SFXN4: variants seen among roughly 807,000 people sequenced by gnomAD.
SFXN4 encodes sideroflexin 4.
A neutral mutation model predicts 54.6 loss-of-function variants in SFXN4; 48 were observed. That is an observed-to-expected ratio of 0.88 (90% CI 0.70 to 1.12). The LOEUF is 1.12. SFXN4 is among the 50% of genes most tolerant of loss of function. The pLI, the probability that SFXN4 is intolerant of heterozygous loss-of-function variation, is 0.00. For missense variants in SFXN4, 383 were observed against 409.2 expected, an observed-to-expected ratio of 0.94 and a Z score of 0.55; for synonymous variants, 130 against 145.5, an observed-to-expected ratio of 0.89 and a Z score of 0.77.
intron 6 of SFXN4, 115 bp from the exon 7 acceptor site, chr10:119,158,177 G>C (rs1449425992): frequency 8.2e-6 from 8 of 978,114 alleles, no homozygotes; most frequent in Non-Finnish European, 1.3e-5. Context: ...GCTGGGGCAG[G>C]AGAGGATGGT....
chr10:119,149,507 T>C lies in SFXN4; in HGVS notation c.733-1647A>G, dbSNP rs574742957. On this transcript the variant is annotated intron_variant, in intron 11 of 13. Coordinates refer to ENST00000355697, the MANE Select transcript of SFXN4 (RefSeq NM_213649.2). ...GCTCATGCTTATAATCCCAACACTT[T>C]GGGAGGCCAAGGTGGGCAGATCACC... 7.2e-5 allele frequency among the ~76,000 whole-genome samples: 11 copies of C among 152,214 alleles called. No individual in the cohort carries two copies. The South Asian group carries it at 1.5e-3, about 20-fold the overall frequency.
intron 13 of SFXN4, among the ~76,000 whole-genome samples, chr10:119,143,951 A>G (rs1389018471): frequency 1.3e-5 from 2 of 151,960 alleles, no homozygotes; most frequent in Non-Finnish European, 2.9e-5. Context: ...TCGCTCCCCA[A>G]CCCCTCGCCC....
At position 119,159,881 on chromosome 10, in the gene SFXN4, T is replaced by C. The variant is rs1303114914; in HGVS notation, c.335-128A>G. The C allele has an allele frequency of 3.2e-6, 3 of 945,110 alleles. No homozygotes were observed. In the African/African-American group the frequency reaches 4.9e-5, roughly 15 times the overall value. The allele number at this position is 945,110 out of a possible 1,614,324, so 58.5% of individuals were successfully genotyped here. A position where few individuals can be genotyped will look rare whatever the true frequency, so the allele number is the denominator to read the frequency against. ...AAGGCACAGACCTCAAAGGACTTTT[T>C]CCACTCATTCTTTGTTTTTCTAATA... On this transcript the variant is annotated intron_variant, in intron 5 of 13. Transcript: ENST00000355697.
chr10:119,163,363 A>C (rs1847633205), intron 2 of SFXN4, among the ~76,000 whole-genome samples: 1 of 151,944 alleles, frequency 6.6e-6, no homozygotes, highest in African/African-American at 2.4e-5. Context: ...CCTGGGCCTG[A>C]TATTACCTGT....
At chr10:119,161,247 T>G (rs1395798642) in intron 3 of SFXN4, among the ~76,000 whole-genome samples, 166 bp from the exon 4 acceptor site, 7 of 152,062 alleles carry the variant, frequency 4.6e-5, no homozygotes, top group Non-Finnish European at 1.0e-4. Context: ...CCCTCCTGAA[T>G]AGCTGAAACT....
intron 11 of SFXN4, among the ~76,000 whole-genome samples, chr10:119,150,892 A>C (rs1483067931): frequency 6.6e-6 from 1 of 152,174 alleles, no homozygotes; most frequent in African/African-American, 2.4e-5. Context: ...CCGCCGGCAG[A>C]ATAGATAAGC....
intron 2 of SFXN4, 91 bp downstream of exon 2, chr10:119,164,040 C>CAAAAAA (rs368539311): frequency 6.8e-5 from 21 of 309,770 alleles, no homozygotes; most frequent in Non-Finnish European, 8.6e-5. Flanking sequence ...AACTCCGTCT[C>CAAAAAA]AAAAAAAAAA....
intron 1 of SFXN4, among the ~76,000 whole-genome samples, chr10:119,164,474 G>C (rs1847687245): frequency 6.6e-6 from 1 of 152,120 alleles, no homozygotes; most frequent in African/African-American, 2.4e-5. Context: ...TTGCCCTTGA[G>C]GGTTAAAATC....
intron 11 of SFXN4, among the ~76,000 whole-genome samples, chr10:119,148,228 G>A (rs931561683): frequency 4.6e-5 from 7 of 152,022 alleles, no homozygotes; most frequent in Admixed American, 1.3e-4. Context: ...CAACTCCTGC[G>A]AGAGACAGGC....
At chr10:119,141,507 C>CTTTT (rs1234472904) in intron 13 of SFXN4, among the ~76,000 whole-genome samples, 188 bp from the exon 14 acceptor site, 29 of 113,352 alleles carry the variant, frequency 2.6e-4, no homozygotes, top group African/African-American at 5.4e-4. Context: ...ACTTCTTAAA[C>CTTTT]TTTTTTTTTT....
chr10:119,143,678 T>C (rs1846656068), intron 13 of SFXN4, among the ~76,000 whole-genome samples: 1 of 151,894 alleles, frequency 6.6e-6, no homozygotes. Flanking sequence ...GGTCTTGCTA[T>C]GTTGTCCTGG....
intron 11 of SFXN4, 107 bp from the exon 12 acceptor site, chr10:119,147,967 T>G (rs1564816164): frequency 3.8e-6 from 3 of 785,988 alleles, no homozygotes; most frequent in Non-Finnish European, 6.4e-6. Context: ...GGTCAGTAGT[T>G]TGAGACCAGC....
At chr10:119,159,098 G>C (rs1847405417) in intron 6 of SFXN4, among the ~76,000 whole-genome samples, 1 of 152,016 alleles carries the variant, frequency 6.6e-6, no homozygotes, top group African/African-American at 2.4e-5. Context: ...TAGCCAACAT[G>C]GCAAAACCCC....
Position 119,161,057 on chromosome 10 carries a change from G to C in SFXN4, c.277C>G (p.Leu93Val). 6.2e-7 allele frequency: 1 copy of C among 1,614,022 alleles called. No homozygotes were observed. The highest frequency in any genetic ancestry group is 8.5e-7 in the Non-Finnish European group (1 of 1,179,944). ...ATTAGGAAGGGGCTGAAACTTACAA[G>C]ACTCCGCTTCCAAGCTTCTTGTATC... ...QRIQEAWKRS[L>V]ATVHPDSSNL... The change falls in exon 4 of 14, where the codon CTT becomes GTT. Residue 93 changes from leucine (L) to valine (V), a missense_variant and splice_region_variant. Coordinates refer to ENST00000355697, the MANE Select transcript of SFXN4 (RefSeq NM_213649.2).
intron 3 of SFXN4, among the ~76,000 whole-genome samples, chr10:119,161,570 C>T (rs1847547912): frequency 6.6e-6 from 1 of 151,678 alleles, no homozygotes; most frequent in African/African-American, 2.4e-5. Flanking sequence ...ATTGACAGAA[C>T]AAATCAAAAT....
At chr10:119,159,097 T>G (rs185237927) in intron 6 of SFXN4, among the ~76,000 whole-genome samples, 157 of 152,182 alleles carry the variant, frequency 1.0e-3, no homozygotes, top group African/African-American at 3.5e-3. Context: ...CTAGCCAACA[T>G]GGCAAAACCC....
At position 119,162,242 on chromosome 10, in the gene SFXN4, C is replaced by T. The variant is rs185210611; in HGVS notation, c.252+98G>A. On this transcript the variant is annotated intron_variant, in intron 3 of 13. Coordinates refer to ENST00000355697, the MANE Select transcript of SFXN4 (RefSeq NM_213649.2). ...GGAAGGAAAAAAGAAAGAAAAGAGA[C>T]GGAGACAGAGATTAATGGCCAAATT... is the stretch of plus-strand genomic sequence containing the variant. The T allele has an allele frequency of 1.3e-4, 113 of 898,028 alleles. 3 individuals carry two copies. The highest frequency in any genetic ancestry group is 7.4e-4 in the African/African-American group (44 of 59,444). 55.6% of individuals were successfully genotyped at this position (898,028 alleles called of 1,614,324 possible).
rs1258722073 is a variant in SFXN4 at position 119,160,936 on chromosome 10, G to A, written c.313C>T (p.Pro105Ser). 6.2e-7 allele frequency: 1 copy of A among 1,614,074 alleles called. No homozygotes were observed. Among genetic ancestry groups the A allele is most frequent in the Non-Finnish European group, 8.5e-7 (1 of 1,180,004 alleles). Residue 105 changes from proline (P) to serine (S), a missense_variant, in exon 5 of 14, where the codon CCC becomes TCC. Transcript: ENST00000355697. ...TCACCTGCAGGTCGAAAAAGCTTGG[G>A]GATCAGGTTGCTGCTGTCGGGATGC... The part of the protein sequence containing the change: ...TVHPDSSNLI[P>S]KLFRPAAFLP...
intron 12 of SFXN4, among the ~76,000 whole-genome samples, chr10:119,146,618 G>C (rs1403071094): frequency 6.6e-6 from 1 of 152,114 alleles, no homozygotes; most frequent in East Asian, 1.9e-4. Flanking sequence ...GCCCAGGCTG[G>C]AGTGTAATGG....
Sources: gnomAD v4.1 joint callset for allele counts (sites outside exome capture counted in the v4.1 genomes callset) on GRCh38, gnomAD v4.1.1 for gene constraint, MANE v1.5 for transcripts, NCBI Gene and HGNC (gene_info 2026-07-23, HGNC 2026-07-21) for gene names.